Variants in PPARGC1A observed in about 807,000 individuals in gnomAD.
The protein encoded by PPARGC1A is PPARG coactivator 1 alpha.
A neutral mutation model predicts 88.7 loss-of-function variants in PPARGC1A; 25 were observed. That is an observed-to-expected ratio of 0.28 (90% CI 0.21 to 0.39). The LOEUF is 0.39. PPARGC1A is among the 10% of genes least tolerant of loss of function. PPARGC1A has a pLI of 1.00. For synonymous variants in PPARGC1A, 363 were observed against 355.6 expected (o/e 1.02, Z -0.24); for missense variants, 880 against 968.7 (o/e 0.91, Z 1.22).
chr4:23,819,672 T>C (rs1185195363), intron 7 of PPARGC1A, among the ~76,000 whole-genome samples: 1 of 152,160 alleles, frequency 6.6e-6, no homozygotes, highest in African/African-American at 2.4e-5. Context: ...GGAATTGTCA[T>C]TATAGACACT....
chr4:24,049,336 A>G, the PPARGC1A span, among the ~76,000 whole-genome samples: 1,855 of 125,472 alleles, frequency 0.015, 42 homozygotes, highest in African/African-American at 0.056. Flanking sequence ...GTGTGTGTGT[A>G]TATATATATA....
At chr4:24,335,995 T>C in the PPARGC1A span, among the ~76,000 whole-genome samples, 6 of 152,242 alleles carry the variant, frequency 3.9e-5, no homozygotes, top group African/African-American at 9.6e-5. Flanking sequence ...GGGCTTTCTT[T>C]GCATTTTCCC....
At chr4:24,077,544 T>A in the PPARGC1A span, among the ~76,000 whole-genome samples, 44 of 150,992 alleles carry the variant, frequency 2.9e-4, no homozygotes, top group African/African-American at 9.6e-4. Flanking sequence ...GCATAGGAAC[T>A]GTTTTTTTTT....
the PPARGC1A span, among the ~76,000 whole-genome samples, chr4:24,131,698 T>G: frequency 7.2e-5 from 11 of 152,158 alleles, no homozygotes; most frequent in Admixed American, 2.0e-4. Context: ...GTTTAAAATA[T>G]AAACAAAAAT....
At chr4:24,285,602 T>C in the PPARGC1A span, among the ~76,000 whole-genome samples, 1 of 152,228 alleles carries the variant, frequency 6.6e-6, no homozygotes, top group African/African-American at 2.4e-5. Flanking sequence ...ATAACACAGC[T>C]AATAAGGAAC....
the PPARGC1A span, among the ~76,000 whole-genome samples, chr4:24,206,840 TAAAAAAAAAAAAAAAAA>T: frequency 2.9e-3 from 128 of 43,684 alleles, 1 homozygote; most frequent in Admixed American, 0.013. Context: ...GACTTCACCT[TAAAAAAAAAAAAAAAAA>T]AAAAAAAAAA....
At chr4:24,371,635 A>C in the PPARGC1A span, among the ~76,000 whole-genome samples, 1 of 152,146 alleles carries the variant, frequency 6.6e-6, no homozygotes, top group African/African-American at 2.4e-5. Context: ...TCCCTTCATA[A>C]ATGCAACATG....
At chr4:24,194,004 C>T in the PPARGC1A span, among the ~76,000 whole-genome samples, 1 of 151,972 alleles carries the variant, frequency 6.6e-6, no homozygotes, top group Non-Finnish European at 1.5e-5. Context: ...TGGCATGCAC[C>T]TATAATCCCA....
At chr4:24,381,230 G>A in the PPARGC1A span, among the ~76,000 whole-genome samples, 354 of 152,262 alleles carry the variant, frequency 2.3e-3, 12 homozygotes, top group East Asian at 0.054. Flanking sequence ...TGTCATTTAG[G>A]CTTCACAGTA....
the PPARGC1A span, among the ~76,000 whole-genome samples, chr4:23,967,121 TCCTG>T: frequency 2.6e-5 from 4 of 152,188 alleles, no homozygotes; most frequent in African/African-American, 7.2e-5. Context: ...CCTATTTATT[TCCTG>T]CCTAAGTTGC....
At chr4:23,947,502 A>C in the PPARGC1A span, among the ~76,000 whole-genome samples, 10 of 151,370 alleles carry the variant, frequency 6.6e-5, no homozygotes, top group Non-Finnish European at 1.2e-4. Flanking sequence ...TGGGCAGTGT[A>C]ACCCCAGAAC....
At chr4:24,249,233 T>C in the PPARGC1A span, among the ~76,000 whole-genome samples, 2 of 151,518 alleles carry the variant, frequency 1.3e-5, no homozygotes, top group African/African-American at 2.4e-5. Flanking sequence ...ACTATGAACA[T>C]ACAGGAAAGA....
chr4:24,158,935 C>T, the PPARGC1A span, among the ~76,000 whole-genome samples: 1 of 152,236 alleles, frequency 6.6e-6, no homozygotes, highest in Non-Finnish European at 1.5e-5. Flanking sequence ...CTTATCACCT[C>T]TGATATCAGA....
In PPARGC1A at chr4:23,814,590, G is replaced by C; in HGVS notation, c.893C>G (p.Thr298Ser). 3 of 1,583,356 alleles carry C rather than the reference G, an allele frequency of 1.9e-6. No homozygotes were observed. The highest frequency in any genetic ancestry group is 2.6e-6 in the Non-Finnish European group (3 of 1,170,408). The change falls in exon 8 of 13, where the codon ACC (threonine) becomes AGC (serine). Residue 298 changes from threonine to serine, a missense_variant. By Grantham distance (58) the Thr-to-Ser change is moderately conservative. Coordinates refer to ENST00000264867, the MANE Select transcript of PPARGC1A (RefSeq NM_013261.5). Reference sequence around the variant, plus strand: ...TTGGTTGGCTTTATGAGGAGGAGTGGTGGGTGGAGTTAGGCCTAAGGCAAA... The same window carrying C: ...TTGGTTGGCTTTATGAGGAGGAGTGCTGGGTGGAGTTAGGCCTAAGGCAAA... ...LSGTAGLTPP[T>S]TPPHKANQDN...
the PPARGC1A span, among the ~76,000 whole-genome samples, chr4:24,331,951 C>G: frequency 2.0e-5 from 3 of 151,818 alleles, no homozygotes; most frequent in Non-Finnish European, 4.4e-5. Flanking sequence ...AACCCCTTGA[C>G]AGGCCCCGGT....
the PPARGC1A span, among the ~76,000 whole-genome samples, chr4:24,437,036 G>A: frequency 2.6e-5 from 4 of 152,372 alleles, no homozygotes; most frequent in South Asian, 2.1e-4. Context: ...GATCGTGTTT[G>A]TTCCTCCCCA....
At chr4:24,096,862 A>G in the PPARGC1A span, among the ~76,000 whole-genome samples, 3 of 152,244 alleles carry the variant, frequency 2.0e-5, no homozygotes, top group South Asian at 4.1e-4. Flanking sequence ...AGTTATATAT[A>G]TACGAAAAAC....
the PPARGC1A span, among the ~76,000 whole-genome samples, chr4:24,015,010 T>C: frequency 1.3e-5 from 2 of 152,254 alleles, no homozygotes; most frequent in South Asian, 4.1e-4. Flanking sequence ...CAATTCTCAC[T>C]TGACATTCCC....
At chr4:23,900,952 C>T (rs1398877415), upstream of PPARGC1A, among the ~76,000 whole-genome samples, 7 of 152,198 alleles carry the variant, frequency 4.6e-5, no homozygotes, top group East Asian at 1.9e-4. Flanking sequence ...CAGCTGGGTG[C>T]GGTGGCTCAC....
Sources: allele counts gnomAD v4.1 joint callset (sites outside exome capture counted in the v4.1 genomes callset), GRCh38; gene constraint gnomAD v4.1.1; transcripts MANE v1.5; gene names NCBI Gene and HGNC (gene_info 2026-07-23, HGNC 2026-07-21).